The following GALNT9 variants were observed in gnomAD, a reference collection of about 807,000 sequenced individuals.
The protein encoded by GALNT9 is polypeptide N-acetylgalactosaminyltransferase 9.
Under a neutral mutation model 63.1 loss-of-function variants are expected in GALNT9, and 47 were observed. The observed-to-expected ratio is 0.75, with a 90% CI of 0.59 to 0.95. The LOEUF (loss-of-function observed/expected upper bound fraction) is 0.95, where lower values mean the gene tolerates loss of function less well. GALNT9 is among the 40% of genes least tolerant of loss of function. The pLI is 0.00. For missense variants in GALNT9, 829 were observed against 874.8 expected (o/e 0.95, Z 0.66); for synonymous variants, 396 against 365.7 (o/e 1.08, Z -0.94).
At chr12:132,292,137 T>A (rs1330075492) in intron 1 of GALNT9, among the ~76,000 whole-genome samples, 1 of 124,882 alleles carries the variant, frequency 8.0e-6, no homozygotes, top group Non-Finnish European at 1.7e-5. Context: ...TTTTCCTCCC[T>A]GCCTCATTTT....
At chr12:132,311,400 G>A (rs868989528) in intron 1 of GALNT9, among the ~76,000 whole-genome samples, 15 of 152,182 alleles carry the variant, frequency 9.9e-5, no homozygotes, top group African/African-American at 1.4e-4. Flanking sequence ...GGAGCAGCAC[G>A]GGCAGGGGCA....
At chr12:132,218,851 C>G (rs1877324015) in intron 6 of GALNT9, among the ~76,000 whole-genome samples, 1 of 152,236 alleles carries the variant, frequency 6.6e-6, no homozygotes, top group South Asian at 2.1e-4. Flanking sequence ...CTCACCTCAC[C>G]AAACACTGAG....
chr12:132,230,859 C>A (rs934695591), intron 6 of GALNT9, among the ~76,000 whole-genome samples: 75 of 152,348 alleles, frequency 4.9e-4, no homozygotes, highest in Admixed American at 8.5e-4. Context: ...GCAGACCACA[C>A]CGCAGGCCAC....
intron 6 of GALNT9, among the ~76,000 whole-genome samples, chr12:132,228,751 G>A (rs1414269325): frequency 7.9e-5 from 12 of 152,220 alleles, no homozygotes; most frequent in African/African-American, 2.4e-4. Context: ...GAGAGCAAAC[G>A]ATTTCCAACT....
intron 6 of GALNT9, among the ~76,000 whole-genome samples, chr12:132,210,157 T>C (rs747256878): frequency 5.3e-5 from 8 of 152,118 alleles, no homozygotes; most frequent in Non-Finnish European, 7.4e-5. Flanking sequence ...GGTGGGTCCC[T>C]GGGGCCCGTC....
At chr12:132,240,782 C>T in intron 6 of GALNT9, 1 of 452,956 alleles carries the variant, frequency 2.2e-6, no homozygotes, top group Non-Finnish European at 4.4e-6. Context: ...GCAGTATGAT[C>T]TATACATGTT....
intron 2 of GALNT9, among the ~76,000 whole-genome samples, chr12:132,266,218 G>A (rs1444578305): frequency 6.6e-6 from 1 of 151,984 alleles, no homozygotes; most frequent in East Asian, 1.9e-4. Context: ...GCCTTTACAC[G>A]CCTGACCTCA....
chr12:132,286,407 C>G lies in GALNT9; in HGVS notation c.262G>C (p.Val88Leu). 1 of 1,550,458 alleles carries G rather than the reference C, an allele frequency of 6.4e-7. No homozygotes were observed. The change falls in exon 2 of 11, where the codon GTG becomes CTG. Residue 88 changes from valine (V) to leucine (L), a missense_variant. Physicochemically the swap from Val to Leu is conservative, Grantham distance 32 (BLOSUM62 1). Coordinates refer to ENST00000328957, the MANE Select transcript of GALNT9 (RefSeq NM_001122636.2). This position sits in a 1 kb window ranked among gnomAD's most constrained non-coding sequence, Gnocchi z 7.4. The stretch of plus-strand genomic sequence containing the variant: ...TGGCCCAGGCCTCCTGGCCCCTCCA[C>G]CAGGCCGATGGGCTTGGCAAGGCCT... Reference protein sequence around the residue: ...LNGLAKPIGLVEGPGGLGQGG... With the variant: ...LNGLAKPIGLLEGPGGLGQGG...
chr12:132,199,140 T>TA, intron 9 of GALNT9, 34 bp downstream of exon 9: 1 of 1,426,654 alleles, frequency 7.0e-7, no homozygotes, highest in Non-Finnish European at 9.8e-7. Context: ...GTCGTCCCCT[T>TA]GGGAGCTGCA....
chr12:132,304,498 T>TCACCCAGACACAGCCTC (rs1566019592), intron 1 of GALNT9, among the ~76,000 whole-genome samples: 2 of 4,268 alleles, frequency 4.7e-4, no homozygotes, highest in Non-Finnish European at 4.0e-4. Context: ...GACACACCCT[T>TCACCCAGACACAGCCTC]GCCCGGGCAC....
intron 6 of GALNT9, 120 bp from the exon 7 acceptor site, chr12:132,203,810 C>G (rs911162078): frequency 1.9e-6 from 2 of 1,057,434 alleles, no homozygotes; most frequent in African/African-American, 3.9e-5. Context: ...ACCCCCACCA[C>G]CGACGGGCCT....
At position 132,229,652 on chromosome 12, in the gene GALNT9, G is replaced by A. The variant is rs937698549; in HGVS notation, c.1077+18258C>T. 2.6e-3 allele frequency among the ~76,000 whole-genome samples: 389 copies of A among 152,312 alleles called. 3 individuals are homozygous for A. Among genetic ancestry groups the A allele is most frequent in the African/African-American group, 8.7e-3 (363 of 41,564 alleles). On this transcript the variant is annotated intron_variant, in intron 6 of 10. Transcript: ENST00000328957. ...CAGCGGGGCCGTCCCCACCCTTCTC[G>A]GGCCACACGGCCGGCATGGTTGGCA...
intron 1 of GALNT9, among the ~76,000 whole-genome samples, chr12:132,301,028 G>A (rs558354997): frequency 6.6e-6 from 1 of 152,380 alleles, no homozygotes; most frequent in East Asian, 1.9e-4. Flanking sequence ...CGTTGCACAA[G>A]CTTTGCTTCC....
Position 132,279,255 on chromosome 12 carries a change from T to C in GALNT9, c.419+6995A>G, listed in dbSNP as rs977081163. ...CAGTGAAGGGCATTCCCCAGACTGC[T>C]GGCTGTGACTGGGTCCCAGATAAGC... is the stretch of plus-strand genomic sequence containing the variant. On this transcript the variant is annotated intron_variant, in intron 2 of 10. Coordinates refer to ENST00000328957, the MANE Select transcript of GALNT9 (RefSeq NM_001122636.2). The surrounding 1 kb of genome is among the most constrained non-coding windows in gnomAD (Gnocchi z 4.1). The C allele has an allele frequency of 2.0e-5, 3 of 152,272 alleles. No individual in the cohort carries two copies. The highest frequency in any genetic ancestry group is 7.2e-5 in the African/African-American group (3 of 41,462). 9.4% of individuals were successfully genotyped at this position (152,272 alleles called of 1,614,324 possible). A position where few individuals can be genotyped will look rare whatever the true frequency, so the allele number is the denominator to read the frequency against.
At chr12:132,260,067 G>GGTGCGGGGCCTGGCCTGGGTGCAGGGA (rs1879317069) in intron 4 of GALNT9, among the ~76,000 whole-genome samples, 1 of 151,812 alleles carries the variant, frequency 6.6e-6, no homozygotes, top group African/African-American at 2.4e-5. Context: ...GTGCACTATG[G>GGTGCGGGGCCTGGCCTGGGTGCAGGGA]ACCCCGTAGG....
chr12:132,305,283 GCCCGGACACGCCCTCA>G (rs1881549083), intron 1 of GALNT9, among the ~76,000 whole-genome samples: 1 of 15,412 alleles, frequency 6.5e-5, no homozygotes, highest in Non-Finnish European at 1.0e-4. Flanking sequence ...GCACACCCTC[GCCCGGACACGCCCTCA>G]CCGGGGCACA....
intron 6 of GALNT9, chr12:132,240,784 A>C (rs1324630154): frequency 8.8e-6 from 4 of 452,124 alleles, no homozygotes; most frequent in Non-Finnish European, 1.8e-5. Context: ...AGTATGATCT[A>C]TACATGTTTA....
rs1216943592 is a variant in GALNT9, at chr12:132,316,166, G to A, written c.238+12800C>T. On this transcript the variant is annotated intron_variant, in intron 1 of 10. Transcript: ENST00000328957. This position sits in a 1 kb window ranked among gnomAD's most constrained non-coding sequence, Gnocchi z 4.3. ...CCGCGGGCTGGGAGGCGACCCCACA[G>A]ACCCCAGCGTCCCAGTCCAGGCTCG... 6.6e-6 allele frequency among the ~76,000 whole-genome samples: 1 copy of A among 152,096 alleles called. No homozygotes were observed.
chr12:132,320,218 T>TTTG (rs34039899), intron 1 of GALNT9, among the ~76,000 whole-genome samples: 86,355 of 151,740 alleles, frequency 0.57, 24,762 homozygotes, highest in East Asian at 0.76. Context: ...TTTATTTTTA[T>TTTG]TTGTTGTTGT....
Sources: allele counts gnomAD v4.1 joint callset (sites outside exome capture counted in the v4.1 genomes callset), GRCh38; gene constraint gnomAD v4.1.1; non-coding constraint Gnocchi (gnomAD v3.1); transcripts MANE v1.5; gene names NCBI Gene and HGNC (gene_info 2026-07-23, HGNC 2026-07-21).